Variants in LRRC4C observed in about 807,000 individuals in gnomAD.
LRRC4C encodes the protein leucine-rich repeat-containing protein 4C.
LRRC4C carries 5 observed loss-of-function variants against 33.6 expected under a neutral mutation model. The ratio of observed to expected loss-of-function variants is 0.15; its 90% confidence interval spans 0.08 to 0.31. LRRC4C has a LOEUF of 0.31. Among genes scored for constraint, LRRC4C ranks in the 10% least tolerant of loss-of-function variants. The pLI, the probability that LRRC4C is intolerant of heterozygous loss-of-function variation, is 1.00. For synonymous variants in LRRC4C, 329 were observed against 302.0 expected (o/e 1.09, Z -0.93); for missense variants, 560 against 796.7 (o/e 0.70, Z 3.58).
intron 1 of LRRC4C, among the ~76,000 whole-genome samples, chr11:41,371,181 A>T (rs936450285): frequency 2.0e-5 from 3 of 152,236 alleles, no homozygotes; most frequent in Non-Finnish European, 2.9e-5. Context: ...GGTAGGGATC[A>T]TATCATATTA....
At chr11:41,182,630 T>C (rs1214851012) in intron 1 of LRRC4C, among the ~76,000 whole-genome samples, 1 of 152,160 alleles carries the variant, frequency 6.6e-6, no homozygotes, top group East Asian at 1.9e-4. Flanking sequence ...TCCAAAATCT[T>C]TTTATATTTT....
chr11:40,601,669 G>C (rs1292241014), intron 3 of LRRC4C, among the ~76,000 whole-genome samples: 1 of 152,056 alleles, frequency 6.6e-6, no homozygotes, highest in Non-Finnish European at 1.5e-5. Flanking sequence ...AATTCATCAA[G>C]GTTGTAATTT....
chr11:40,268,806 G>A (rs1297293287), intron 4 of LRRC4C, among the ~76,000 whole-genome samples: 1 of 152,050 alleles, frequency 6.6e-6, no homozygotes, highest in Non-Finnish European at 1.5e-5. Flanking sequence ...TACATCCCTG[G>A]AGTCTGAAAA....
intron 1 of LRRC4C, among the ~76,000 whole-genome samples, chr11:41,267,400 T>G (rs16935517): frequency 6.6e-6 from 1 of 152,066 alleles, no homozygotes; most frequent in African/African-American, 2.4e-5. Context: ...TCTGTGACCA[T>G]AGAGAAATGA....
chr11:40,695,604 T>G (rs1281425741), intron 2 of LRRC4C, among the ~76,000 whole-genome samples: 8 of 152,122 alleles, frequency 5.3e-5, no homozygotes, highest in Non-Finnish European at 8.8e-5. Flanking sequence ...GGGGCTAAAG[T>G]CACGATGGCA....
At chr11:40,697,735 C>T (rs980519680) in intron 2 of LRRC4C, among the ~76,000 whole-genome samples, 4 of 152,184 alleles carry the variant, frequency 2.6e-5, no homozygotes, top group African/African-American at 2.4e-5. Flanking sequence ...TACCATTCTG[C>T]TATTTTTGAC....
At chr11:40,586,300 C>T (rs1258454119) in intron 3 of LRRC4C, among the ~76,000 whole-genome samples, 2 of 151,052 alleles carry the variant, frequency 1.3e-5, no homozygotes, top group Admixed American at 6.6e-5. Flanking sequence ...TCATGTCCTT[C>T]ACCCACTTTT....
intron 4 of LRRC4C, among the ~76,000 whole-genome samples, chr11:40,298,197 A>G (rs1299111134): frequency 1.3e-5 from 2 of 152,224 alleles, no homozygotes; most frequent in South Asian, 4.1e-4. Flanking sequence ...AGATGCCACC[A>G]AATAAGATGA....
At chr11:40,381,361 A>G (rs534249701) in intron 3 of LRRC4C, among the ~76,000 whole-genome samples, 1 of 152,232 alleles carries the variant, frequency 6.6e-6, no homozygotes, top group South Asian at 2.1e-4. Flanking sequence ...TTTAATTTAT[A>G]TTCTATAATT....
chr11:41,441,354 G>A (rs1030140865), intron 1 of LRRC4C, among the ~76,000 whole-genome samples: 8 of 152,040 alleles, frequency 5.3e-5, no homozygotes, highest in Non-Finnish European at 1.0e-4. Context: ...TTAGCAGTCA[G>A]GGTGGCTGAG....
intron 1 of LRRC4C, among the ~76,000 whole-genome samples, chr11:40,975,393 C>G (rs932404677): frequency 2.0e-5 from 3 of 152,140 alleles, no homozygotes; most frequent in African/African-American, 7.2e-5. Context: ...CTGGGGAACC[C>G]TAATACAATA....
At chr11:40,645,999 T>C (rs1253603554) in intron 3 of LRRC4C, among the ~76,000 whole-genome samples, 2 of 151,400 alleles carry the variant, frequency 1.3e-5, no homozygotes, top group African/African-American at 4.9e-5. Flanking sequence ...GATATCCACT[T>C]CCTGTAATTA....
intron 1 of LRRC4C, among the ~76,000 whole-genome samples, chr11:40,963,123 A>C (rs1851085332): frequency 1.3e-5 from 2 of 151,694 alleles, no homozygotes; most frequent in Non-Finnish European, 2.9e-5. Flanking sequence ...ACTTAAAGGA[A>C]GGTTAACTTT....
intron 2 of LRRC4C, among the ~76,000 whole-genome samples, chr11:40,871,443 TC>T (rs2135941048): frequency 6.6e-6 from 1 of 152,160 alleles, no homozygotes; most frequent in East Asian, 1.9e-4. Context: ...TTGTACTCTG[TC>T]CCTTTATTTC....
chr11:40,283,693 C>CTTTTT (rs5791366), intron 4 of LRRC4C, among the ~76,000 whole-genome samples: 1 of 59,262 alleles, frequency 1.7e-5, no homozygotes, highest in Non-Finnish European at 2.8e-5. Context: ...GGTCCATATT[C>CTTTTT]TTTTTTTTTT....
intron 2 of LRRC4C, among the ~76,000 whole-genome samples, chr11:40,687,881 CA>C (rs1945035892): frequency 6.6e-6 from 1 of 152,030 alleles, no homozygotes; most frequent in Non-Finnish European, 1.5e-5. Context: ...ACTTTACAAA[CA>C]ATGAGAACAT....
At chr11:41,056,610 A>G (rs1858637248) in intron 1 of LRRC4C, among the ~76,000 whole-genome samples, 1 of 152,224 alleles carries the variant, frequency 6.6e-6, no homozygotes, top group Admixed American at 6.5e-5. Flanking sequence ...AGACATGAAC[A>G]GACACATTTC....
intron 3 of LRRC4C, among the ~76,000 whole-genome samples, chr11:40,481,745 T>G (rs1417163269): frequency 4.6e-5 from 7 of 152,158 alleles, no homozygotes; most frequent in Admixed American, 4.6e-4. Context: ...GTTCTTTTAT[T>G]TTTGGTAGGT....
intron 1 of LRRC4C, among the ~76,000 whole-genome samples, chr11:41,101,428 C>T (rs1298951057): frequency 6.6e-6 from 1 of 152,014 alleles, no homozygotes; most frequent in Non-Finnish European, 1.5e-5. Context: ...CAGAGAAAGG[C>T]AATCGAAACC....
Sources: gnomAD v4.1 joint callset for allele counts (sites outside exome capture counted in the v4.1 genomes callset) on GRCh38, gnomAD v4.1.1 for gene constraint, MANE v1.5 for transcripts, NCBI Gene and HGNC (gene_info 2026-07-23, HGNC 2026-07-21) for gene names.